Variants in KIF3B observed in about 807,000 individuals in gnomAD.
KIF3B encodes kinesin-like protein KIF3B.
KIF3B carries 38 observed loss-of-function variants against 74.3 expected under a neutral mutation model. That is an observed-to-expected ratio of 0.51 (90% CI 0.39 to 0.67). KIF3B has a LOEUF of 0.67. Ranked by LOEUF, KIF3B falls within the 30% of genes least tolerant of loss-of-function variation. The pLI is 0.00. For synonymous variants in KIF3B, 326 were observed against 342.5 expected, an observed-to-expected ratio of 0.95 and a Z score of 0.53; for missense variants, 649 against 932.0, an observed-to-expected ratio of 0.70 and a Z score of 3.95.
At chr20:32,289,398 T>C (rs895321556) in intron 1 of KIF3B, among the ~76,000 whole-genome samples, 14 of 152,148 alleles carry the variant, frequency 9.2e-5, no homozygotes, top group African/African-American at 2.4e-5. Flanking sequence ...TTCACCATCT[T>C]AGCCATGCTG....
intron 5 of KIF3B, among the ~76,000 whole-genome samples, chr20:32,320,828 C>T (rs1258326052): frequency 1.3e-5 from 2 of 152,020 alleles, no homozygotes; most frequent in Admixed American, 1.3e-4. Flanking sequence ...AAATATACCA[C>T]ATTTTATTTA....
At chr20:32,315,429 G>C (rs2047822295) in intron 2 of KIF3B, among the ~76,000 whole-genome samples, 1 of 152,146 alleles carries the variant, frequency 6.6e-6, no homozygotes, top group Non-Finnish European at 1.5e-5. Context: ...TTCTCTGACT[G>C]GGCGCTGTGC....
Position 32,331,496 on chromosome 20 carries a change from A to G in KIF3B, c.*177A>G. 1.8e-6 allele frequency: 1 copy of G among 564,786 alleles called. No individual in the cohort carries two copies. Among genetic ancestry groups the G allele is most frequent in the Non-Finnish European group, 3.1e-6 (1 of 325,416 alleles). 35.0% of individuals were successfully genotyped at this position (564,786 alleles called of 1,614,324 possible). On this transcript the variant is annotated 3_prime_UTR_variant, in exon 9 of 9. Transcript: ENST00000375712. ...TTGAACGTGCTGTTCCTAATCTGGC[A>G]CTCAGCCCCTCTGGGAAACATCTTT...
At chr20:32,316,907 C>A in intron 5 of KIF3B, 33 bp downstream of exon 5, 1 of 1,431,806 alleles carries the variant, frequency 7.0e-7, no homozygotes, top group Non-Finnish European at 9.9e-7. Flanking sequence ...TGCCCCCAAG[C>A]CACTTGCTGA....
chr20:32,295,790 G>A (rs1210972392), intron 1 of KIF3B, among the ~76,000 whole-genome samples: 1 of 150,670 alleles, frequency 6.6e-6, no homozygotes, highest in Non-Finnish European at 1.5e-5. Flanking sequence ...TTTAGGATAA[G>A]TAGGTCCCGA....
rs373788957 is a variant in KIF3B at position 32,316,744 on chromosome 20, C to T, written c.1630-12C>T. On this transcript the variant is annotated splice_polypyrimidine_tract_variant and intron_variant, in intron 4 of 8. Transcript: ENST00000375712. Reference sequence around the variant, plus strand: ...CAGACACCCTCCTCACCTGCCTCTCCCCTCATTCCAGCTCTTCTCCAAGCT... The same window carrying T: ...CAGACACCCTCCTCACCTGCCTCTCTCCTCATTCCAGCTCTTCTCCAAGCT... 14 of 1,613,506 alleles carry T rather than the reference C, an allele frequency of 8.7e-6. No individual in the cohort carries two copies. The African/African-American group carries it at 1.2e-4, about 14-fold the overall frequency.
chr20:32,286,549 A>G (rs1324937094), intron 1 of KIF3B, among the ~76,000 whole-genome samples: 1 of 152,200 alleles, frequency 6.6e-6, no homozygotes, highest in African/African-American at 2.4e-5. Context: ...TTATTCTTCA[A>G]TTGTCAGCCT....
intron 1 of KIF3B, among the ~76,000 whole-genome samples, chr20:32,278,704 C>T (rs1362823628): frequency 6.6e-6 from 1 of 152,122 alleles, no homozygotes; most frequent in Non-Finnish European, 1.5e-5. Flanking sequence ...GCTTCGTTGA[C>T]CCTTCCAGAA....
At position 32,331,932 on chromosome 20, in the gene KIF3B, G is replaced by C. The variant is rs1192769042; in HGVS notation, c.*613G>C. On this transcript the variant is annotated 3_prime_UTR_variant, in exon 9 of 9. Coordinates refer to ENST00000375712, the MANE Select transcript of KIF3B (RefSeq NM_004798.4). ...GATCTGCCTTTGGGACCTGCTCAGT[G>C]AGGAAATCTCTTCCAATTTCTGCTT... 1 of 152,750 alleles carries C rather than the reference G, an allele frequency of 6.5e-6. No individual in the cohort carries two copies. The highest frequency in any genetic ancestry group is 2.4e-5 in the African/African-American group (1 of 41,464). The allele number at this position is 152,750 out of a possible 1,614,324, so 9.5% of individuals were successfully genotyped here.
chr20:32,279,575 C>G (rs2047632627), intron 1 of KIF3B, among the ~76,000 whole-genome samples: 1 of 151,926 alleles, frequency 6.6e-6, no homozygotes, highest in Non-Finnish European at 1.5e-5. Flanking sequence ...AAGCAGTTCT[C>G]CTGCCTCAGC....
chr20:32,323,169 T>C (rs1192775203), intron 5 of KIF3B, among the ~76,000 whole-genome samples: 2 of 97,994 alleles, frequency 2.0e-5, no homozygotes, highest in African/African-American at 3.4e-5. Context: ...TATATATTTA[T>C]ATTTATATAT....
At chr20:32,322,854 TTA>T (rs1205630327) in intron 5 of KIF3B, among the ~76,000 whole-genome samples, 1 of 77,132 alleles carries the variant, frequency 1.3e-5, no homozygotes, top group Non-Finnish European at 2.1e-5. Flanking sequence ...TTATATATAT[TTA>T]TATATACATA....
intron 5 of KIF3B, among the ~76,000 whole-genome samples, chr20:32,322,652 T>TTATA (rs1345480656): frequency 2.0e-5 from 1 of 50,530 alleles, no homozygotes; most frequent in Non-Finnish European, 3.1e-5. Context: ...ATATATATTT[T>TTATA]TATATATTTA....
chr20:32,284,030 G>A (rs530391391), intron 1 of KIF3B, among the ~76,000 whole-genome samples: 5 of 151,780 alleles, frequency 3.3e-5, no homozygotes, highest in East Asian at 1.9e-4. Context: ...ATCCTCCCAC[G>A]TCAGCCATCC....
At chr20:32,307,208 C>T (rs6057560) in intron 1 of KIF3B, among the ~76,000 whole-genome samples, 1 of 152,096 alleles carries the variant, frequency 6.6e-6, no homozygotes, top group Non-Finnish European at 1.5e-5. Flanking sequence ...AGCAACAGAC[C>T]TGCATTGACA....
rs1390936188 is a variant in KIF3B at position 32,310,311 on chromosome 20, C to T, written c.534C>T (p.Asp178=). Residue 178 remains aspartate, a synonymous_variant, in exon 2 of 9, where the codon GAC becomes GAT. Coordinates refer to ENST00000375712, the MANE Select transcript of KIF3B (RefSeq NM_004798.4). This position sits in a 1 kb window ranked among gnomAD's most constrained non-coding sequence, Gnocchi z 6.5. The part of the protein sequence containing the change: ...ERPDTGVYVK[D]LSSFVTKSVK... ...CTGACACAGGAGTGTATGTGAAAGA[C>T]CTGTCTTCCTTTGTCACCAAGAGTG... is the stretch of plus-strand genomic sequence containing the variant. The T allele has an allele frequency of 1.2e-6, 2 of 1,613,718 alleles. No individual in the cohort carries two copies. Among genetic ancestry groups the T allele is most frequent in the Non-Finnish European group, 1.7e-6 (2 of 1,179,854 alleles).
intron 1 of KIF3B, among the ~76,000 whole-genome samples, chr20:32,283,455 G>T (rs2047653507): frequency 6.6e-6 from 1 of 151,478 alleles, no homozygotes; most frequent in African/African-American, 2.4e-5. Flanking sequence ...AGTGAGCTGA[G>T]ATCGCACCAC....
Position 32,277,710 on chromosome 20 carries a change from CCG to C in KIF3B, c.-119_-118del. On this transcript the variant is annotated 5_prime_UTR_variant, in exon 1 of 9. An upstream open reading frame in the 5' UTR loses its in-frame stop. Transcript: ENST00000375712. ...CTGAGCCAGGGGTTCGCCGCCCCCG[CCG>C]CCGCCGCCGCCGCCGCCGCCGCCGC... The C allele has an allele frequency of 7.8e-6, 2 of 257,652 alleles. No homozygotes were observed. The highest frequency in any genetic ancestry group is 1.4e-5 in the Non-Finnish European group (2 of 141,628). The allele number at this position is 257,652 out of a possible 1,614,324, so 16.0% of individuals were successfully genotyped here.
At chr20:32,314,417 G>A (rs1488499325) in intron 2 of KIF3B, among the ~76,000 whole-genome samples, 1 of 152,074 alleles carries the variant, frequency 6.6e-6, no homozygotes, top group Admixed American at 6.6e-5. Context: ...GCATGCACCT[G>A]TAGTTCCAGC....
Sources: allele counts gnomAD v4.1 joint callset (sites outside exome capture counted in the v4.1 genomes callset), GRCh38; gene constraint gnomAD v4.1.1; non-coding constraint Gnocchi (gnomAD v3.1); transcripts MANE v1.5; gene names NCBI Gene and HGNC (gene_info 2026-07-23, HGNC 2026-07-21).